EXOC4: variants seen among roughly 807,000 people sequenced by gnomAD.
EXOC4 encodes the protein exocyst complex component 4.
A neutral mutation model predicts 107.2 loss-of-function variants in EXOC4; 71 were observed. The observed-to-expected ratio is 0.66, with a 90% CI of 0.55 to 0.81. The LOEUF (loss-of-function observed/expected upper bound fraction) is 0.81, where lower values mean the gene tolerates loss of function less well. EXOC4 is among the 30% of genes least tolerant of loss of function. The pLI is 0.00. For synonymous variants in EXOC4, 456 were observed against 441.2 expected (o/e 1.03, Z -0.42); for missense variants, 1,108 against 1,189.6 (o/e 0.93, Z 1.01).
intron 7 of EXOC4, among the ~76,000 whole-genome samples, chr7:133,452,970 C>G (rs1182235058): frequency 2.7e-5 from 4 of 148,978 alleles, no homozygotes; most frequent in African/African-American, 1.0e-4. Context: ...TGTAAAGTCT[C>G]CTTTTGTCCT....
At chr7:133,479,597 C>T (rs1262788930) in intron 8 of EXOC4, 1 of 164,584 alleles carries the variant, frequency 6.1e-6, no homozygotes, top group African/African-American at 2.4e-5. Flanking sequence ...TAGTCCTCTA[C>T]CTGTGGAAGT....
At chr7:133,560,522 G>A (rs562145196) in intron 9 of EXOC4, among the ~76,000 whole-genome samples, 4 of 152,150 alleles carry the variant, frequency 2.6e-5, no homozygotes, top group Non-Finnish European at 5.9e-5. Flanking sequence ...GGCCTCAAGA[G>A]ATTCTCCCGC....
chr7:133,848,609 C>G (rs924802195), intron 11 of EXOC4, among the ~76,000 whole-genome samples: 1 of 152,164 alleles, frequency 6.6e-6, no homozygotes, highest in Non-Finnish European at 1.5e-5. Context: ...TTTCTTGACC[C>G]CTTATTATTC....
rs1033088840 is a variant in EXOC4, at chr7:133,494,665, A to C, written c.1417+14527A>C. Among the ~76,000 whole-genome samples the C allele has an allele frequency of 3.3e-5, 5 of 152,200 alleles. No individual in the cohort carries two copies. In the East Asian group the frequency reaches 9.6e-4, roughly 29 times the overall value. ...TTGACTATCATTTCTAAATTATGGT[A>C]TTCACCCTAACACAATAGATGTAGT... On this transcript the variant is annotated intron_variant, in intron 9 of 17. Coordinates refer to ENST00000253861, the MANE Select transcript of EXOC4 (RefSeq NM_021807.4).
At chr7:133,589,653 A>G (rs1162661996) in intron 9 of EXOC4, among the ~76,000 whole-genome samples, 1 of 152,212 alleles carries the variant, frequency 6.6e-6, no homozygotes, top group African/African-American at 2.4e-5. Flanking sequence ...AAGCTGAACC[A>G]GATGGGATGT....
intron 17 of EXOC4, among the ~76,000 whole-genome samples, chr7:134,025,557 C>T (rs934306128): frequency 8.5e-5 from 13 of 152,200 alleles, no homozygotes; most frequent in Non-Finnish European, 1.9e-4. Context: ...AGTGGGATGG[C>T]AGCTAGGGCT....
At chr7:133,417,819 A>G (rs1797514080) in intron 7 of EXOC4, among the ~76,000 whole-genome samples, 1 of 152,186 alleles carries the variant, frequency 6.6e-6, no homozygotes, top group African/African-American at 2.4e-5. Flanking sequence ...TTAAAATAAA[A>G]AACCAAGGAG....
At chr7:133,820,434 A>G (rs1449470509) in intron 11 of EXOC4, among the ~76,000 whole-genome samples, 1 of 151,962 alleles carries the variant, frequency 6.6e-6, no homozygotes, top group African/African-American at 2.4e-5. Context: ...CACAGGGTGA[A>G]TTTTATTCTT....
chr7:133,307,364 T>C (rs1258489021), intron 4 of EXOC4, among the ~76,000 whole-genome samples: 2 of 152,114 alleles, frequency 1.3e-5, no homozygotes, highest in Admixed American at 6.5e-5. Flanking sequence ...AAGTGGTGAA[T>C]AGGGGAAGTG....
chr7:133,338,770 T>A (rs113969385), intron 5 of EXOC4, among the ~76,000 whole-genome samples: 16 of 111,378 alleles, frequency 1.4e-4, no homozygotes, highest in South Asian at 1.2e-3. Flanking sequence ...TTTTTTTTTT[T>A]CAGACAGAGT....
At chr7:133,585,445 A>G (rs1801379669) in intron 9 of EXOC4, among the ~76,000 whole-genome samples, 1 of 152,160 alleles carries the variant, frequency 6.6e-6, no homozygotes, top group East Asian at 1.9e-4. Flanking sequence ...GTGGTGATAC[A>G]GCAGTGAACA....
chr7:133,936,581 C>G (rs961308360), intron 13 of EXOC4, among the ~76,000 whole-genome samples: 3 of 152,208 alleles, frequency 2.0e-5, no homozygotes, highest in Admixed American at 6.5e-5. Context: ...AGCATCAGCT[C>G]TGCTTACCCA....
At chr7:133,551,302 CT>C (rs1800583422) in intron 9 of EXOC4, among the ~76,000 whole-genome samples, 1 of 152,014 alleles carries the variant, frequency 6.6e-6, no homozygotes, top group Non-Finnish European at 1.5e-5. Flanking sequence ...ACTAAACGTA[CT>C]TTTTAGTTGC....
intron 10 of EXOC4, among the ~76,000 whole-genome samples, chr7:133,631,425 A>C (rs1802588925): frequency 6.6e-6 from 1 of 152,110 alleles, no homozygotes; most frequent in Non-Finnish European, 1.5e-5. Context: ...ATTACATTCT[A>C]ATCTCTTATA....
chr7:133,584,725 C>T (rs377527181), intron 9 of EXOC4, among the ~76,000 whole-genome samples: 22 of 151,732 alleles, frequency 1.4e-4, no homozygotes, highest in African/African-American at 5.1e-4. Context: ...ATTACAGATA[C>T]GCTCTATCAC....
intron 1 of EXOC4, among the ~76,000 whole-genome samples, chr7:133,265,258 T>C (rs10488160): frequency 0.042 from 6,390 of 152,216 alleles, 399 homozygotes; most frequent in African/African-American, 0.13. Context: ...TTTTGCCTTA[T>C]GATAATGTGT....
intron 1 of EXOC4, among the ~76,000 whole-genome samples, chr7:133,267,847 C>T (rs562713131): frequency 6.6e-6 from 1 of 152,208 alleles, no homozygotes; most frequent in African/African-American, 2.4e-5. Context: ...CATGACCTCT[C>T]TAGATCCTGC....
chr7:133,768,793 C>T (rs1042926252), intron 10 of EXOC4, among the ~76,000 whole-genome samples: 2 of 151,914 alleles, frequency 1.3e-5, no homozygotes, highest in African/African-American at 4.8e-5. Flanking sequence ...AGGCATGGCC[C>T]TTCTTCTCAG....
intron 10 of EXOC4, among the ~76,000 whole-genome samples, chr7:133,700,420 A>G (rs1794632518): frequency 6.6e-6 from 1 of 152,216 alleles, no homozygotes; most frequent in Admixed American, 6.5e-5. Flanking sequence ...TGTTAACAAA[A>G]GAAATTGAAA....
Sources: allele counts gnomAD v4.1 joint callset (sites outside exome capture counted in the v4.1 genomes callset), GRCh38; gene constraint gnomAD v4.1.1; transcripts MANE v1.5; gene names NCBI Gene and HGNC (gene_info 2026-07-23, HGNC 2026-07-21).